Variants in TTC7B observed in about 807,000 individuals in gnomAD.
The protein encoded by TTC7B is tetratricopeptide repeat protein 7B.
TTC7B carries 28 observed loss-of-function variants against 106.8 expected under a neutral mutation model. The observed-to-expected ratio is 0.26, with a 90% CI of 0.19 to 0.36. The LOEUF is 0.36. Among genes scored for constraint, TTC7B ranks in the 10% least tolerant of loss-of-function variants. The pLI is 1.00. For missense variants in TTC7B, 862 were observed against 1,076.4 expected, an observed-to-expected ratio of 0.80 and a Z score of 2.79; for synonymous variants, 405 against 430.6, an observed-to-expected ratio of 0.94 and a Z score of 0.74.
rs184589062 is a variant in TTC7B, at chr14:90,574,647, C to T, written c.2310+3459G>A. ...CAATACTAACAGGTTTGCATTTCTG[C>T]TTAAGCCATAGCCCTCCTGCAAGCT... On this transcript the variant is annotated intron_variant, in intron 19 of 19. Transcript: ENST00000328459. Among the ~76,000 whole-genome samples the T allele has an allele frequency of 2.0e-5, 3 of 152,348 alleles. No homozygotes were observed. In the East Asian group the frequency reaches 5.8e-4, roughly 29 times the overall value.
At chr14:90,815,713 A>AT (rs2031131771) in intron 1 of TTC7B, among the ~76,000 whole-genome samples, 1 of 151,872 alleles carries the variant, frequency 6.6e-6, no homozygotes, top group African/African-American at 2.4e-5. Flanking sequence ...CCAGGGGTCT[A>AT]TGTACAACAC....
intron 3 of TTC7B, among the ~76,000 whole-genome samples, chr14:90,778,389 AC>A (rs570804857): frequency 2.6e-4 from 40 of 152,126 alleles, no homozygotes; most frequent in Non-Finnish European, 5.1e-4. Context: ...TGGCAGTGAC[AC>A]CTGTAGACAG....
Position 90,657,394 on chromosome 14 carries a change from T to C in TTC7B, c.1237-116A>G, listed in dbSNP as rs936939427. ...ACCTCCTCGTGGGCTTGTCCAACTT[T>C]AAGCCCAAGCAAGCGGGGGCCTGAG... On this transcript the variant is annotated intron_variant, in intron 10 of 19. Transcript: ENST00000328459. The surrounding 1 kb of genome is among the most constrained non-coding windows in gnomAD (Gnocchi z 4.2). The C allele has an allele frequency of 2.2e-6, 2 of 918,660 alleles. No homozygotes were observed. Among genetic ancestry groups the C allele is most frequent in the Non-Finnish European group, 3.3e-6 (2 of 612,194 alleles). 56.9% of individuals were successfully genotyped at this position (918,660 alleles called of 1,614,324 possible).
chr14:90,603,752 C>A (rs902561030), intron 17 of TTC7B, among the ~76,000 whole-genome samples: 3 of 152,186 alleles, frequency 2.0e-5, no homozygotes, highest in Non-Finnish European at 4.4e-5. Flanking sequence ...TGACTATCTG[C>A]TTATCCTAAC....
intron 17 of TTC7B, chr14:90,603,300 T>C (rs2139833047): frequency 1.6e-6 from 2 of 1,288,784 alleles, no homozygotes; most frequent in South Asian, 1.2e-5. Context: ...TTCTGGAGAG[T>C]TGCCTTGGAA....
chr14:90,542,002 C>G (rs940219283), intron 19 of TTC7B, among the ~76,000 whole-genome samples: 1 of 152,148 alleles, frequency 6.6e-6, no homozygotes, highest in Non-Finnish European at 1.5e-5. Flanking sequence ...TGCAGTGGCG[C>G]GATCTTGGCT....
chr14:90,628,002 C>T (rs1253583906), intron 15 of TTC7B, among the ~76,000 whole-genome samples: 1 of 152,154 alleles, frequency 6.6e-6, no homozygotes. Flanking sequence ...GGAGCCATTT[C>T]ATATAATGCC....
chr14:90,733,637 T>C (rs1889408635), intron 4 of TTC7B, among the ~76,000 whole-genome samples: 1 of 152,212 alleles, frequency 6.6e-6, no homozygotes, highest in African/African-American at 2.4e-5. Flanking sequence ...GCGAGGAGAC[T>C]GCCAACAAGC....
intron 7 of TTC7B, among the ~76,000 whole-genome samples, chr14:90,685,234 G>A (rs1285502544): frequency 6.6e-6 from 1 of 152,182 alleles, no homozygotes; most frequent in East Asian, 1.9e-4. Flanking sequence ...AGAGACTGTG[G>A]AGAAGGAGAC....
chr14:90,677,854 A>G (rs1286682532), intron 8 of TTC7B: 1 of 455,664 alleles, frequency 2.2e-6, no homozygotes, highest in African/African-American at 2.0e-5. Context: ...AATGTCAAAG[A>G]CAAATAAGAA....
At chr14:90,586,104 G>A (rs1891697337) in intron 18 of TTC7B, among the ~76,000 whole-genome samples, 1 of 152,224 alleles carries the variant, frequency 6.6e-6, no homozygotes, top group African/African-American at 2.4e-5. Context: ...TACTGCTAGT[G>A]TGTGGCGGGG....
At position 90,802,904 on chromosome 14, in the gene TTC7B, G is replaced by A. The variant is rs1020767622; in HGVS notation, c.121+13271C>T. 6.6e-6 allele frequency among the ~76,000 whole-genome samples: 1 copy of A among 151,810 alleles called. No individual in the cohort carries two copies. The highest frequency in any genetic ancestry group is 1.5e-5 in the Non-Finnish European group (1 of 67,992). The stretch of plus-strand genomic sequence containing the variant: ...GCCTGTAATCCCAGCACTTTGGGAG[G>A]CCGAAGCAGGCGGATCACCTAAGGT... On this transcript the variant is annotated intron_variant, in intron 1 of 19. Coordinates refer to ENST00000328459, the MANE Select transcript of TTC7B (RefSeq NM_001010854.2). The surrounding 1 kb of genome is among the most constrained non-coding windows in gnomAD (Gnocchi z 4.7).
At chr14:90,581,004 C>T (rs982439388) in intron 18 of TTC7B, among the ~76,000 whole-genome samples, 6 of 152,188 alleles carry the variant, frequency 3.9e-5, no homozygotes, top group African/African-American at 1.4e-4. Flanking sequence ...TCTCACTTTC[C>T]TGGTGATATT....
At chr14:90,783,360 A>C (rs1891280855) in intron 2 of TTC7B, among the ~76,000 whole-genome samples, 1 of 152,254 alleles carries the variant, frequency 6.6e-6, no homozygotes, top group African/African-American at 2.4e-5. Flanking sequence ...ACACCCATGC[A>C]AAAGATGTAC....
intron 18 of TTC7B, among the ~76,000 whole-genome samples, chr14:90,592,916 T>C (rs1051286505): frequency 1.3e-5 from 2 of 151,978 alleles, no homozygotes; most frequent in African/African-American, 4.8e-5. Flanking sequence ...CATAGGATCA[T>C]AGGGCACCAA....
At chr14:90,767,045 A>T in intron 3 of TTC7B, 1 of 761,218 alleles carries the variant, frequency 1.3e-6, no homozygotes, top group Non-Finnish European at 2.0e-6. Flanking sequence ...AAAAAAAAAA[A>T]GAAAGAAAGG....
Position 90,578,964 on chromosome 14 carries a change from T to C in TTC7B, c.2108-656A>G, listed in dbSNP as rs1478927447. ...ATCGCTTTTAAAACAAGCAGGAAAA[T>C]GACCCTGCTACCGATCCAGGCCTCA... On this transcript the variant is annotated intron_variant, in intron 18 of 19. Coordinates refer to ENST00000328459, the MANE Select transcript of TTC7B (RefSeq NM_001010854.2). The surrounding 1 kb of genome is among the most constrained non-coding windows in gnomAD (Gnocchi z 4.7). Among the ~76,000 whole-genome samples the C allele has an allele frequency of 6.6e-6, 1 of 152,136 alleles. No homozygotes were observed. The highest frequency in any genetic ancestry group is 1.9e-4 in the East Asian group (1 of 5,178).
chr14:90,585,265 G>A (rs1027131866), intron 18 of TTC7B, among the ~76,000 whole-genome samples: 1 of 152,164 alleles, frequency 6.6e-6, no homozygotes. Context: ...TTCTCCAGGG[G>A]CTCCGTGGCA....
At chr14:90,734,583 T>A (rs1889448763) in intron 4 of TTC7B, among the ~76,000 whole-genome samples, 1 of 152,056 alleles carries the variant, frequency 6.6e-6, no homozygotes, top group Non-Finnish European at 1.5e-5. Flanking sequence ...ATCCTTGCCA[T>A]CCTCGACACT....
Sources: allele counts gnomAD v4.1 joint callset (sites outside exome capture counted in the v4.1 genomes callset), GRCh38; gene constraint gnomAD v4.1.1; non-coding constraint Gnocchi (gnomAD v3.1); transcripts MANE v1.5; gene names NCBI Gene and HGNC (gene_info 2026-07-23, HGNC 2026-07-21).